The following TSPAN2 variants were observed in gnomAD, a reference collection of about 807,000 sequenced individuals.
TSPAN2 encodes the protein tetraspanin-2.
TSPAN2 carries 24 observed loss-of-function variants against 33.3 expected under a neutral mutation model. That is an observed-to-expected ratio of 0.72 (90% CI 0.52 to 1.01). The LOEUF (loss-of-function observed/expected upper bound fraction) is 1.01. Among genes scored for constraint, TSPAN2 ranks in the 50% least tolerant of loss-of-function variants. TSPAN2 has a pLI of 0.00. For synonymous variants in TSPAN2, 114 were observed against 104.5 expected (o/e 1.09, Z -0.56); for missense variants, 278 against 281.3 (o/e 0.99, Z 0.08).
At chr1:115,059,663 T>C (rs1647588983) in intron 4 of TSPAN2, among the ~76,000 whole-genome samples, 2 of 152,336 alleles carry the variant, frequency 1.3e-5, no homozygotes, top group African/African-American at 4.8e-5. Context: ...GTATAAAAGC[T>C]TGTGATTTCA....
intron 6 of TSPAN2, 112 bp downstream of exon 6, chr1:115,057,425 A>G (rs543827656): frequency 1.5e-4 from 153 of 1,025,566 alleles, no homozygotes; most frequent in Non-Finnish European, 2.1e-4. Context: ...CTATGCTGCC[A>G]CTAGAGCAAA....
At chr1:115,081,981 GT>G (rs986602434) in intron 1 of TSPAN2, among the ~76,000 whole-genome samples, 3 of 152,136 alleles carry the variant, frequency 2.0e-5, no homozygotes, top group African/African-American at 7.2e-5. Flanking sequence ...TCTCTTTAAT[GT>G]TTTTAAGACC....
chr1:115,058,907 C>A lies in TSPAN2; in HGVS notation c.420G>T (p.Gly140=), dbSNP rs3738702. 10 of 1,613,534 alleles carry A rather than the reference C, an allele frequency of 6.2e-6. No homozygotes were observed. In the Admixed American group the frequency reaches 1.0e-4, roughly 16 times the overall value. ...DYLKDRGKGN[G]TLITFHSTFQ... is the part of the protein sequence containing the mutation. ...CTGTTGAGTGGAAGGTGATGAGTGT[C>A]CCATTGCCTTTTCCCCTGTCTTTAA... Residue 140 remains glycine, a synonymous_variant, in exon 5 of 8, where the codon GGG becomes GGT. Transcript: ENST00000369516.
chr1:115,073,945 C>CTT (rs1239646075), intron 1 of TSPAN2, among the ~76,000 whole-genome samples: 1 of 152,172 alleles, frequency 6.6e-6, no homozygotes, highest in East Asian at 1.9e-4. Context: ...TCTCCACAAA[C>CTT]ACCACTCTCG....
chr1:115,082,093 C>T (rs1167163822), intron 1 of TSPAN2, among the ~76,000 whole-genome samples: 1 of 152,220 alleles, frequency 6.6e-6, no homozygotes, highest in Non-Finnish European at 1.5e-5. Context: ...TGTAAATGTC[C>T]TATATCTCTG....
chr1:115,060,428 C>T, intron 4 of TSPAN2, 36 bp downstream of exon 4: 1 of 1,490,460 alleles, frequency 6.7e-7, no homozygotes, highest in Non-Finnish European at 9.3e-7. Context: ...ACACTTTTAA[C>T]CATCATAGAA....
intron 1 of TSPAN2, among the ~76,000 whole-genome samples, chr1:115,088,513 C>G (rs1648928611): frequency 3.3e-5 from 5 of 152,116 alleles, no homozygotes; most frequent in Admixed American, 6.5e-5. Flanking sequence ...ACAGGGTATC[C>G]AGGGATGTAG....
chr1:115,056,827 G>T (rs1647449264), intron 6 of TSPAN2, among the ~76,000 whole-genome samples: 1 of 152,118 alleles, frequency 6.6e-6, no homozygotes, highest in Admixed American at 6.5e-5. Context: ...AAGGTAGGCA[G>T]CTGATCAATA....
intron 1 of TSPAN2, among the ~76,000 whole-genome samples, chr1:115,083,239 G>A (rs1648697699): frequency 6.6e-6 from 1 of 152,178 alleles, no homozygotes; most frequent in Admixed American, 6.5e-5. Context: ...GTCAAGGTTG[G>A]GGGATAGAGG....
At chr1:115,074,875 C>G (rs1344373788) in intron 1 of TSPAN2, among the ~76,000 whole-genome samples, 5 of 152,028 alleles carry the variant, frequency 3.3e-5, no homozygotes, top group African/African-American at 9.7e-5. Context: ...ACCTAGGTTC[C>G]TCCTAGAAGC....
At chr1:115,066,645 G>A (rs1001215320) in intron 2 of TSPAN2, among the ~76,000 whole-genome samples, 40 of 152,106 alleles carry the variant, frequency 2.6e-4, no homozygotes, top group Non-Finnish European at 4.7e-4. Context: ...TGGCTTTCTA[G>A]CAGCAGATGG....
At chr1:115,071,329 C>G (rs1648167762) in intron 2 of TSPAN2, among the ~76,000 whole-genome samples, 1 of 152,292 alleles carries the variant, frequency 6.6e-6, no homozygotes, top group South Asian at 2.1e-4. Flanking sequence ...AAAAGGGACC[C>G]TATGAAGCGA....
chr1:115,074,239 T>TTTATA (rs1268223652), intron 1 of TSPAN2, among the ~76,000 whole-genome samples: 1 of 152,114 alleles, frequency 6.6e-6, no homozygotes, highest in Non-Finnish European at 1.5e-5. Context: ...CATAGTCCTT[T>TTTATA]TTATACAGGG....
chr1:115,052,811 T>C (rs1647228341), intron 7 of TSPAN2, among the ~76,000 whole-genome samples: 1 of 152,240 alleles, frequency 6.6e-6, no homozygotes, highest in South Asian at 2.1e-4. Context: ...TATTAATTTG[T>C]AATACTACTG....
At chr1:115,086,265 A>G (rs1157967804) in intron 1 of TSPAN2, among the ~76,000 whole-genome samples, 1 of 152,236 alleles carries the variant, frequency 6.6e-6, no homozygotes, top group African/African-American at 2.4e-5. Context: ...CAGATGAGAA[A>G]ACAAGCCTAG....
In TSPAN2 at chr1:115,050,360, G is replaced by A; in HGVS notation, c.*130C>T. 1.2e-6 allele frequency: 1 copy of A among 837,808 alleles called. No individual in the cohort carries two copies. Among genetic ancestry groups the A allele is most frequent in the Non-Finnish European group, 2.0e-6 (1 of 499,514 alleles). The allele number at this position is 837,808 out of a possible 1,614,324, so 51.9% of individuals were successfully genotyped here. ...TAATGAGCCAAACATACGTACTCATGCAAATGTACAATTGACAGCAAATTA... is the reference window on the plus strand; with the variant it reads ...TAATGAGCCAAACATACGTACTCATACAAATGTACAATTGACAGCAAATTA... On this transcript the variant is annotated 3_prime_UTR_variant, in exon 8 of 8. Transcript: ENST00000369516.
Position 115,087,081 on chromosome 1 carries a change from G to A in TSPAN2, c.69+2283C>T, listed in dbSNP as rs183952091. ...ATTACAGGCACCCACCACCATGCCC[G>A]GCTAATTTTTGTACTTTAGTAGAGA... On this transcript the variant is annotated intron_variant, in intron 1 of 7. Coordinates refer to ENST00000369516, the MANE Select transcript of TSPAN2 (RefSeq NM_005725.6). 4.9e-4 allele frequency among the ~76,000 whole-genome samples: 74 copies of A among 152,004 alleles called. 1 individual carries two copies. Among genetic ancestry groups the A allele is most frequent in the African/African-American group, 1.7e-3 (70 of 41,492 alleles).
Position 115,058,951 on chromosome 1 carries a change from C to T in TSPAN2, c.376G>A (p.Glu126Lys). The change falls in exon 5 of 8, where the codon GAG becomes AAG. Residue 126 changes from glutamate (E) to lysine (K), a missense_variant. Transcript: ENST00000369516. ...TCTTTAAGGTAATCATTGTAAGCCT[C>T]TTCATACATGGTCTGAACATGTCGG... ...AIRHVQTMYE[E>K]AYNDYLKDRG... The T allele has an allele frequency of 6.2e-7, 1 of 1,614,060 alleles. No individual in the cohort carries two copies. The highest frequency in any genetic ancestry group is 2.2e-5 in the East Asian group (1 of 44,876).
intron 1 of TSPAN2, among the ~76,000 whole-genome samples, chr1:115,082,061 C>T (rs898148384): frequency 6.6e-6 from 1 of 152,174 alleles, no homozygotes; most frequent in Non-Finnish European, 1.5e-5. Flanking sequence ...CTAGGGCTGT[C>T]AAGAAGACCT....
Sources: allele counts gnomAD v4.1 joint callset (sites outside exome capture counted in the v4.1 genomes callset), GRCh38; gene constraint gnomAD v4.1.1; transcripts MANE v1.5; gene names NCBI Gene and HGNC (gene_info 2026-07-23, HGNC 2026-07-21).